Variants in CNTN5 observed in about 807,000 individuals in gnomAD.
CNTN5 encodes the protein contactin-5.
CNTN5 carries 77 observed loss-of-function variants against 129.1 expected under a neutral mutation model. The observed-to-expected ratio is 0.60, with a 90% CI of 0.50 to 0.72. CNTN5 has a LOEUF of 0.72. CNTN5 is among the 30% of genes least tolerant of loss of function. CNTN5 has a pLI of 0.00. For synonymous variants in CNTN5, 509 were observed against 465.6 expected (o/e 1.09, Z -1.20); for missense variants, 1,478 against 1,328.8 (o/e 1.11, Z -1.75).
intron 1 of CNTN5, among the ~76,000 whole-genome samples, chr11:99,320,133 A>T (rs1168128319): frequency 6.6e-6 from 1 of 152,094 alleles, no homozygotes. Flanking sequence ...CCAGCTACCC[A>T]TGGTGGGGCT....
At position 99,905,589 on chromosome 11, in the gene CNTN5, G is replaced by A. The variant is rs150768669; in HGVS notation, c.578-10465G>A. Reference sequence around the variant, plus strand: ...AGGGTAGCATGATGCCTCCAGCTTTGTTCTTTTTTCTTAGGATTGTCTTTG... The same window carrying A: ...AGGGTAGCATGATGCCTCCAGCTTTATTCTTTTTTCTTAGGATTGTCTTTG... On this transcript the variant is annotated intron_variant, in intron 6 of 24. Coordinates refer to ENST00000524871, the MANE Select transcript of CNTN5 (RefSeq NM_014361.4). Among the ~76,000 whole-genome samples the A allele has an allele frequency of 5.0e-3, 759 of 152,132 alleles. 2 individuals are homozygous for A. The highest frequency in any genetic ancestry group is 9.7e-3 in the Admixed American group (148 of 15,264).
chr11:99,197,395 G>T (rs1041028022), intron 1 of CNTN5, among the ~76,000 whole-genome samples: 1 of 151,858 alleles, frequency 6.6e-6, no homozygotes, highest in South Asian at 2.1e-4. Flanking sequence ...TTCTATTGAA[G>T]TAACATTGAT....
chr11:99,716,945 C>T (rs907885531), intron 3 of CNTN5, among the ~76,000 whole-genome samples: 1 of 151,960 alleles, frequency 6.6e-6, no homozygotes, highest in Admixed American at 6.6e-5. Context: ...AAGGAGTATA[C>T]CAGGGGAGCA....
At chr11:99,622,265 AT>A (rs1368879256) in intron 3 of CNTN5, among the ~76,000 whole-genome samples, 3 of 152,164 alleles carry the variant, frequency 2.0e-5, no homozygotes, top group African/African-American at 4.8e-5. Flanking sequence ...TTAAAATAAA[AT>A]TTACAACACG....
chr11:100,203,388 G>A (rs1948829437), intron 15 of CNTN5, among the ~76,000 whole-genome samples: 1 of 152,130 alleles, frequency 6.6e-6, no homozygotes. Context: ...TGAAGTGGAT[G>A]CAAAGAATGT....
chr11:99,358,789 A>G lies in CNTN5; in HGVS notation c.-71+33305A>G, dbSNP rs2136103162. ...TTCAGACATTCAGTTTACTAATATT[A>G]CCTGTCAACATTGATTATTTGTGTT... On this transcript the variant is annotated intron_variant, in intron 2 of 24. Coordinates refer to ENST00000524871, the MANE Select transcript of CNTN5 (RefSeq NM_014361.4). 1.3e-5 allele frequency among the ~76,000 whole-genome samples: 2 copies of G among 152,238 alleles called. 1 individual carries two copies. Among genetic ancestry groups the G allele is most frequent in the Middle Eastern group, 6.8e-3 (2 of 294 alleles).
intron 9 of CNTN5, among the ~76,000 whole-genome samples, chr11:100,025,492 C>T (rs879808036): frequency 7.2e-5 from 11 of 152,166 alleles, no homozygotes; most frequent in East Asian, 3.9e-4. Context: ...CTGTGAGAAG[C>T]GGTTCACTGT....
chr11:99,541,904 G>A (rs936791585), intron 2 of CNTN5, among the ~76,000 whole-genome samples: 2 of 146,448 alleles, frequency 1.4e-5, no homozygotes, highest in African/African-American at 5.1e-5. Context: ...CTACAGTGAG[G>A]TGTGATCATG....
rs1459575598 is a variant in CNTN5 at position 99,034,757 on chromosome 11, A to T, written c.-210+13487A>T. Among the ~76,000 whole-genome samples, 6 of 151,228 alleles carry T rather than the reference A, an allele frequency of 4.0e-5. 1 individual carries two copies. The South Asian group carries it at 1.0e-3, about 26-fold the overall frequency. On this transcript the variant is annotated intron_variant, in intron 1 of 24. Coordinates refer to ENST00000524871, the MANE Select transcript of CNTN5 (RefSeq NM_014361.4). ...ATTAATTTTTTGAAGGGTTTTTTGC[A>T]TCTCTATTTCCTTCAGTTCTGCTCT...
intron 9 of CNTN5, chr11:100,003,841 C>G (rs943622603): frequency 6.6e-6 from 1 of 152,152 alleles, no homozygotes; most frequent in Non-Finnish European, 1.5e-5. Context: ...CTGCTTCACT[C>G]AAGAAGGTCT....
chr11:99,145,915 C>A (rs1346089463), intron 1 of CNTN5, among the ~76,000 whole-genome samples: 1 of 151,860 alleles, frequency 6.6e-6, no homozygotes, highest in East Asian at 1.9e-4. Flanking sequence ...ATGTGAAAAC[C>A]CTTTACAAAA....
chr11:100,004,683 C>T lies in CNTN5; in HGVS notation c.980+2547C>T, dbSNP rs568623503. ...AGAAAAACCAAGACATGTATAAACT[C>T]CTGATAGCAATGACTCATTGTCATG... On this transcript the variant is annotated intron_variant, in intron 9 of 24. Transcript: ENST00000524871. 1.3e-3 allele frequency among the ~76,000 whole-genome samples: 204 copies of T among 152,200 alleles called. 1 individual carries two copies. Among genetic ancestry groups the T allele is most frequent in the African/African-American group, 4.6e-3 (192 of 41,528 alleles).
intron 1 of CNTN5, among the ~76,000 whole-genome samples, chr11:99,074,416 A>G (rs549427864): frequency 1.1e-4 from 16 of 152,290 alleles, no homozygotes; most frequent in African/African-American, 3.8e-4. Flanking sequence ...TTTTGTTGCA[A>G]TAACCTAGAA....
intron 8 of CNTN5, among the ~76,000 whole-genome samples, chr11:99,977,706 A>G (rs916488261): frequency 6.6e-6 from 1 of 152,160 alleles, no homozygotes; most frequent in African/African-American, 2.4e-5. Context: ...AGAAACCACC[A>G]CCATGATCTA....
intron 13 of CNTN5, among the ~76,000 whole-genome samples, chr11:100,077,892 A>G (rs1000241398): frequency 6.6e-6 from 1 of 152,070 alleles, no homozygotes; most frequent in Non-Finnish European, 1.5e-5. Flanking sequence ...AAATACGTCA[A>G]TTGCTTTCAT....
chr11:100,097,717 G>A (rs1013832303), intron 13 of CNTN5, among the ~76,000 whole-genome samples: 1 of 151,992 alleles, frequency 6.6e-6, no homozygotes, highest in Non-Finnish European at 1.5e-5. Flanking sequence ...TGAGATAAAA[G>A]GTTCTTTAGA....
intron 13 of CNTN5, among the ~76,000 whole-genome samples, chr11:100,077,534 C>T (rs1320737757): frequency 6.6e-6 from 1 of 151,894 alleles, no homozygotes; most frequent in Non-Finnish European, 1.5e-5. Flanking sequence ...ATGAAAGAGA[C>T]ATTCAGGCCA....
chr11:99,579,997 T>C (rs1949514343), intron 3 of CNTN5, among the ~76,000 whole-genome samples: 1 of 146,090 alleles, frequency 6.8e-6, no homozygotes, highest in Non-Finnish European at 1.5e-5. Flanking sequence ...TATTTTGAGA[T>C]ACGTCCCATC....
chr11:99,658,390 G>C (rs1952460837), intron 3 of CNTN5, among the ~76,000 whole-genome samples: 1 of 152,104 alleles, frequency 6.6e-6, no homozygotes, highest in Non-Finnish European at 1.5e-5. Flanking sequence ...GCTTCGTGTA[G>C]GCTGTCTGGA....
Sources: gnomAD v4.1 joint callset for allele counts (sites outside exome capture counted in the v4.1 genomes callset) on GRCh38, gnomAD v4.1.1 for gene constraint, MANE v1.5 for transcripts, NCBI Gene and HGNC (gene_info 2026-07-23, HGNC 2026-07-21) for gene names.